Variants in CHRNA7 observed in about 807,000 individuals in gnomAD.
The protein encoded by CHRNA7 is neuronal acetylcholine receptor subunit alpha-7.
CHRNA7 carries 17 observed loss-of-function variants against 48.0 expected under a neutral mutation model. That is an observed-to-expected ratio of 0.35 (90% confidence interval 0.24 to 0.53). The LOEUF is 0.53. CHRNA7 is among the 20% of genes least tolerant of loss of function. CHRNA7 has a pLI of 0.92. For missense variants in CHRNA7, 155 were observed against 577.7 expected (o/e 0.27, Z 7.50); for synonymous variants, 75 against 242.3 (o/e 0.31, Z 6.41).
intron 4 of CHRNA7, among the ~76,000 whole-genome samples, chr15:32,120,973 C>T (rs1309951692): frequency 1.3e-5 from 2 of 152,030 alleles, no homozygotes; most frequent in African/African-American, 2.4e-5. Flanking sequence ...CCACCCCGCC[C>T]CTTCCCGAGC....
rs71113441 is a variant in CHRNA7, at chr15:32,070,669, C to CTTT, written c.196-30601_196-30599dup. ...TGTGTGAACATGTGAGGTTTAGTTC[C>CTTT]TTTTTTTTTTTTTTTTTTTTTTTTT... On this transcript the variant is annotated intron_variant, in intron 2 of 9. Transcript: ENST00000306901. 1.5e-3 allele frequency among the ~76,000 whole-genome samples: 63 copies of CTTT among 40,890 alleles called. 10 individuals are homozygous for CTTT. The highest frequency in any genetic ancestry group is 2.1e-3 in the Non-Finnish European group (46 of 22,084). The allele number at this position is 40,890 out of a possible 152,430, so 26.8% of individuals were successfully genotyped here.
intron 4 of CHRNA7, among the ~76,000 whole-genome samples, chr15:32,124,740 C>T (rs2051035278): frequency 6.6e-6 from 1 of 152,084 alleles, no homozygotes; most frequent in Admixed American, 6.5e-5. Flanking sequence ...AATCCTAACC[C>T]CCAAGGTGAT....
chr15:32,058,161 T>C (rs2049817952), intron 2 of CHRNA7, among the ~76,000 whole-genome samples: 1 of 152,188 alleles, frequency 6.6e-6, no homozygotes, highest in African/African-American at 2.4e-5. Flanking sequence ...TTGAAGATGA[T>C]GTGTGGCTGC....
intron 2 of CHRNA7, among the ~76,000 whole-genome samples, chr15:32,049,084 G>A (rs909401734): frequency 3.2e-4 from 47 of 149,112 alleles, no homozygotes; most frequent in African/African-American, 9.1e-4. Context: ...TCAATTTTGG[G>A]ATAGGTGTGG....
chr15:32,089,561 T>C (rs2050350162), intron 2 of CHRNA7, among the ~76,000 whole-genome samples: 1 of 112 alleles, frequency 8.9e-3, no homozygotes, highest in Non-Finnish European at 0.026. Flanking sequence ...TTGCAATTCT[T>C]TCTGAGAGTT....
At chr15:32,124,904 G>A in intron 4 of CHRNA7, among the ~76,000 whole-genome samples, 1 of 152,132 alleles carries the variant, frequency 6.6e-6, no homozygotes, top group East Asian at 1.9e-4. Flanking sequence ...ATGTGTATCT[G>A]CAAACCAGGA....
chr15:32,037,853 G>A (rs1458263313), intron 2 of CHRNA7, among the ~76,000 whole-genome samples: 2 of 151,454 alleles, frequency 1.3e-5, no homozygotes, highest in East Asian at 1.9e-4. Context: ...TGTCATCTGC[G>A]ATCAAAGACA....
intron 4 of CHRNA7, among the ~76,000 whole-genome samples, chr15:32,118,918 G>A (rs756073324): frequency 1.3e-5 from 2 of 151,238 alleles, no homozygotes; most frequent in Non-Finnish European, 2.9e-5. Context: ...CAAGTGGAGA[G>A]AGTGTTCCTG....
At chr15:32,113,939 A>G (rs890967188) in intron 4 of CHRNA7, among the ~76,000 whole-genome samples, 2 of 150,554 alleles carry the variant, frequency 1.3e-5, no homozygotes, top group African/African-American at 4.9e-5. Context: ...CTGAGGTAGA[A>G]GGATCCCTTG....
rs1237005639 is a variant in CHRNA7 at position 32,164,912 on chromosome 15, CTAAAAAAAAAAAA to C, written c.990+1578_990+1590del. On this transcript the variant is annotated intron_variant, in intron 9 of 9. Transcript: ENST00000306901. ...GGGTGACAGAGCAAAACTCCATCTC[CTAAAAAAAAAAAA>C]AAAAAAAAAAAAAAAAAAAGACTGA... Among the ~76,000 whole-genome samples, 73 of 7,924 alleles carry C rather than the reference CTAAAAAAAAAAAA, an allele frequency of 9.2e-3. 4 individuals carry two copies. Among genetic ancestry groups the C allele is most frequent in the African/African-American group, 0.022 (72 of 3,260 alleles). 5.2% of individuals were successfully genotyped at this position (7,924 alleles called of 152,430 possible).
Position 32,119,035 on chromosome 15 carries a change from G to A in CHRNA7, c.350+7136G>A, listed in dbSNP as rs116677122. ...GAGGGAAGAGAAAAAAAGACACCTC[G>A]GTTCCTACAGAATACTAGGCATGGT... On this transcript the variant is annotated intron_variant, in intron 4 of 9. Coordinates refer to ENST00000306901, the MANE Select transcript of CHRNA7 (RefSeq NM_000746.6). Among the ~76,000 whole-genome samples, 1,369 of 151,936 alleles carry A rather than the reference G, an allele frequency of 9.0e-3. 25 individuals carry two copies. Among genetic ancestry groups the A allele is most frequent in the African/African-American group, 0.032 (1,317 of 41,456 alleles).
chr15:32,127,166 G>A (rs1260597592), intron 4 of CHRNA7, among the ~76,000 whole-genome samples: 1 of 152,148 alleles, frequency 6.6e-6, no homozygotes. Context: ...GGGTGGCTGA[G>A]TAGTGGTCTG....
chr15:32,105,335 G>A (rs939861545), intron 3 of CHRNA7, among the ~76,000 whole-genome samples: 14 of 152,024 alleles, frequency 9.2e-5, no homozygotes, highest in African/African-American at 2.2e-4. Context: ...AGAAGGAGGC[G>A]GAGGAGAAGA....
At chr15:32,042,673 A>G (rs2049470245) in intron 2 of CHRNA7, among the ~76,000 whole-genome samples, 2 of 152,264 alleles carry the variant, frequency 1.3e-5, no homozygotes, top group East Asian at 1.9e-4. Context: ...TCTGCTCTGG[A>G]AAGTCCTGGC....
intron 4 of CHRNA7, among the ~76,000 whole-genome samples, chr15:32,147,049 C>A (rs979019047): frequency 6.6e-6 from 1 of 152,198 alleles, no homozygotes; most frequent in Non-Finnish European, 1.5e-5. Flanking sequence ...AACTGGATAT[C>A]TGCTGTGTTA....
Position 32,040,620 on chromosome 15 carries a change from A to G in CHRNA7, c.195+9583A>G, listed in dbSNP as rs547774912. The stretch of plus-strand genomic sequence containing the variant: ...TATATGTGTGTATGTGTGTGTGTGT[A>G]TATGTATTATATATGTATATATTAT... On this transcript the variant is annotated intron_variant, in intron 2 of 9. Coordinates refer to ENST00000306901, the MANE Select transcript of CHRNA7 (RefSeq NM_000746.6). Among the ~76,000 whole-genome samples, 719 of 151,242 alleles carry G rather than the reference A, an allele frequency of 4.8e-3. 2 individuals are homozygous for G. Among genetic ancestry groups the G allele is most frequent in the African/African-American group, 0.015 (621 of 41,282 alleles).
chr15:32,097,474 A>T (rs955783790), intron 2 of CHRNA7, among the ~76,000 whole-genome samples: 3 of 152,158 alleles, frequency 2.0e-5, no homozygotes, highest in African/African-American at 7.2e-5. Context: ...GCGAGGACAC[A>T]GTGAAAGGTG....
intron 4 of CHRNA7, among the ~76,000 whole-genome samples, chr15:32,141,081 CTTGAG>C (rs1386536794): frequency 6.6e-6 from 1 of 152,142 alleles, no homozygotes; most frequent in Non-Finnish European, 1.5e-5. Context: ...TTTAATCCAT[CTTGAG>C]TTAATTTTTG....
At chr15:32,096,195 G>A (rs2050465897) in intron 2 of CHRNA7, among the ~76,000 whole-genome samples, 1 of 152,200 alleles carries the variant, frequency 6.6e-6, no homozygotes, top group African/African-American at 2.4e-5. Context: ...GCGTGTGCAT[G>A]TGACATTTAG....
Sources: allele counts gnomAD v4.1 joint callset (sites outside exome capture counted in the v4.1 genomes callset), GRCh38; gene constraint gnomAD v4.1.1; transcripts MANE v1.5; gene names NCBI Gene and HGNC (gene_info 2026-07-23, HGNC 2026-07-21).